Variants in DLG2 observed in about 807,000 individuals in gnomAD.
DLG2 encodes the protein disks large homolog 2.
A neutral mutation model predicts 132.5 loss-of-function variants in DLG2; 45 were observed. The ratio of observed to expected loss-of-function variants is 0.34; its 90% CI spans 0.27 to 0.44. The LOEUF (loss-of-function observed/expected upper bound fraction) is 0.44, where lower values mean the gene tolerates loss of function less well. Ranked by LOEUF, DLG2 falls within the 20% of genes least tolerant of loss-of-function variation. DLG2 has a pLI of 1.00. For missense variants in DLG2, 1,045 were observed against 1,196.9 expected (o/e 0.87, Z 1.87); for synonymous variants, 424 against 419.6 (o/e 1.01, Z -0.13).
At chr11:84,209,587 C>T (rs1040814802) in intron 8 of DLG2, among the ~76,000 whole-genome samples, 7 of 149,556 alleles carry the variant, frequency 4.7e-5, no homozygotes, top group African/African-American at 9.8e-5. Flanking sequence ...ATTTTTTTAA[C>T]GTTCCTGTAA....
intron 6 of DLG2, among the ~76,000 whole-genome samples, chr11:85,081,865 T>C (rs2067274580): frequency 6.6e-6 from 1 of 152,112 alleles, no homozygotes; most frequent in Non-Finnish European, 1.5e-5. Flanking sequence ...CTGACCTTAC[T>C]TGTTGTTTGT....
At chr11:83,926,029 C>T (rs534112628) in intron 15 of DLG2, among the ~76,000 whole-genome samples, 1 of 152,230 alleles carries the variant, frequency 6.6e-6, no homozygotes, top group African/African-American at 2.4e-5. Context: ...GAAGTCAATT[C>T]CTCCAAACAT....
At chr11:84,135,470 TAAC>T (rs2094567903) in intron 9 of DLG2, among the ~76,000 whole-genome samples, 1 of 152,032 alleles carries the variant, frequency 6.6e-6, no homozygotes, top group Non-Finnish European at 1.5e-5. Flanking sequence ...GACTTTTAAA[TAAC>T]AACAGAGGGG....
intron 18 of DLG2, among the ~76,000 whole-genome samples, chr11:83,704,898 T>C (rs1164193442): frequency 6.6e-6 from 1 of 152,152 alleles, no homozygotes; most frequent in Non-Finnish European, 1.5e-5. Flanking sequence ...AAATATTAAG[T>C]TATTCAGACT....
chr11:84,249,419 T>C (rs1041305444), intron 8 of DLG2, among the ~76,000 whole-genome samples: 1 of 152,218 alleles, frequency 6.6e-6, no homozygotes, highest in African/African-American at 2.4e-5. Flanking sequence ...GGTAACAGCA[T>C]GTTAGAAATT....
At chr11:84,317,488 G>C (rs550790530) in intron 7 of DLG2, 2 of 547,552 alleles carry the variant, frequency 3.7e-6, no homozygotes, top group Non-Finnish European at 4.9e-6. Flanking sequence ...GAGCCCTACA[G>C]TAAAGAATAA....
At chr11:85,201,668 T>C (rs1296834701) in intron 4 of DLG2, among the ~76,000 whole-genome samples, 1 of 152,146 alleles carries the variant, frequency 6.6e-6, no homozygotes, top group East Asian at 1.9e-4. Flanking sequence ...TAAATACCTA[T>C]TTCCTCAATT....
intron 6 of DLG2, among the ~76,000 whole-genome samples, chr11:84,888,652 A>T (rs1943732): frequency 0.43 from 65,074 of 151,856 alleles, 14,414 homozygotes; most frequent in Middle Eastern, 0.45. Context: ...TGTTACTTTT[A>T]AACTCATTTG....
intron 4 of DLG2, among the ~76,000 whole-genome samples, chr11:85,202,144 T>C (rs1480528692): frequency 6.7e-6 from 1 of 148,182 alleles, no homozygotes; most frequent in Non-Finnish European, 1.5e-5. Flanking sequence ...AAAAAGCTTA[T>C]TAAAAAAAAA....
At chr11:85,578,880 G>T (rs1306399933) in intron 3 of DLG2, among the ~76,000 whole-genome samples, 1 of 151,896 alleles carries the variant, frequency 6.6e-6, no homozygotes, top group Non-Finnish European at 1.5e-5. Context: ...CTCATTACTG[G>T]GTATATACCC....
At chr11:84,435,949 C>T (rs999739919) in intron 7 of DLG2, among the ~76,000 whole-genome samples, 1 of 152,064 alleles carries the variant, frequency 6.6e-6, no homozygotes, top group Non-Finnish European at 1.5e-5. Context: ...CTCATCCATA[C>T]AACTTATAAT....
At chr11:84,990,291 T>C (rs1422404057) in intron 6 of DLG2, among the ~76,000 whole-genome samples, 1 of 152,236 alleles carries the variant, frequency 6.6e-6, no homozygotes, top group African/African-American at 2.4e-5. Context: ...CTTAAATTCA[T>C]TTTGAAACTT....
intron 11 of DLG2, among the ~76,000 whole-genome samples, chr11:84,019,509 A>C (rs185791621): frequency 5.9e-5 from 9 of 152,258 alleles, no homozygotes; most frequent in Admixed American, 2.6e-4. Flanking sequence ...TTTTTGAGAG[A>C]GGGAGTGTTG....
At chr11:85,365,339 CA>C (rs1378932979) in intron 3 of DLG2, among the ~76,000 whole-genome samples, 1 of 152,068 alleles carries the variant, frequency 6.6e-6, no homozygotes, top group East Asian at 1.9e-4. Flanking sequence ...TTAAATAGGT[CA>C]AATTCTCTAT....
At chr11:84,988,577 T>C (rs1029238384) in intron 6 of DLG2, among the ~76,000 whole-genome samples, 2 of 152,202 alleles carry the variant, frequency 1.3e-5, no homozygotes, top group African/African-American at 4.8e-5. Flanking sequence ...CGCAGCAACC[T>C]GGATGAGATT....
At chr11:83,844,157 C>G (rs905308869) in intron 16 of DLG2, among the ~76,000 whole-genome samples, 4 of 152,024 alleles carry the variant, frequency 2.6e-5, no homozygotes, top group Non-Finnish European at 5.9e-5. Flanking sequence ...TGAGGCTACA[C>G]CCCAAACAAA....
intron 7 of DLG2, among the ~76,000 whole-genome samples, chr11:84,401,175 C>A (rs1361822951): frequency 6.6e-6 from 1 of 152,080 alleles, no homozygotes; most frequent in Non-Finnish European, 1.5e-5. Flanking sequence ...GGTAAAACTG[C>A]AAAGACCTGC....
intron 15 of DLG2, among the ~76,000 whole-genome samples, chr11:83,910,668 T>G (rs529929358): frequency 6.6e-6 from 1 of 152,112 alleles, no homozygotes; most frequent in Non-Finnish European, 1.5e-5. Flanking sequence ...TCCAAGAATA[T>G]GTACAATTAT....
At chr11:84,878,830 T>C (rs1209589614) in intron 6 of DLG2, among the ~76,000 whole-genome samples, 1 of 152,262 alleles carries the variant, frequency 6.6e-6, no homozygotes, top group African/African-American at 2.4e-5. Flanking sequence ...ACAAGGATAA[T>C]TCAGTTTTTT....
Sources: allele counts gnomAD v4.1 joint callset (sites outside exome capture counted in the v4.1 genomes callset), GRCh38; gene constraint gnomAD v4.1.1; transcripts MANE v1.5; gene names NCBI Gene and HGNC (gene_info 2026-07-23, HGNC 2026-07-21).